RGPD1: variants seen among roughly 807,000 people sequenced by gnomAD.
RGPD1 encodes the protein RANBP2-like and GRIP domain-containing protein 1.
In RGPD1, 7 loss-of-function variants were observed where a neutral mutation model predicts 40.6. The ratio of observed to expected loss-of-function variants is 0.17; its 90% confidence interval spans 0.10 to 0.32. The LOEUF is 0.32. RGPD1 is among the 10% of genes least tolerant of loss of function. The pLI is 1.00. For missense variants in RGPD1, 50 were observed against 472.5 expected, an observed-to-expected ratio of 0.11 and a Z score of 8.29; for synonymous variants, 24 against 167.0, an observed-to-expected ratio of 0.14 and a Z score of 6.60.
intron 1 of RGPD1, among the ~76,000 whole-genome samples, chr2:86,923,547 C>CT (rs1270826649): frequency 2.0e-5 from 3 of 150,772 alleles, no homozygotes; most frequent in African/African-American, 4.9e-5. Context: ...GGAGTCTCGC[C>CT]TTATCGCCTA....
chr2:87,009,099 A>T (rs1682158466), intron 22 of RGPD1, among the ~76,000 whole-genome samples: 1 of 139,176 alleles, frequency 7.2e-6, no homozygotes. Flanking sequence ...AGGTCAGGAG[A>T]TCGAGACCAT....
intron 22 of RGPD1, among the ~76,000 whole-genome samples, chr2:87,007,630 C>G (rs1187196324): frequency 1.3e-5 from 2 of 152,238 alleles, no homozygotes; most frequent in African/African-American, 2.4e-5. Flanking sequence ...CCAGCCGTCT[C>G]AGATCAAAGT....
intron 22 of RGPD1, among the ~76,000 whole-genome samples, chr2:87,009,303 T>TA (rs1682172179): frequency 1.4e-3 from 3 of 2,072 alleles, no homozygotes; most frequent in African/African-American, 5.3e-3. Flanking sequence ...AGACTCTGTC[T>TA]CAAAAAAAAA....
chr2:86,938,616 A>G (rs1272213860), upstream of RGPD1, among the ~76,000 whole-genome samples: 1 of 151,680 alleles, frequency 6.6e-6, no homozygotes, highest in Non-Finnish European at 1.5e-5. Context: ...AAAAAAAAAT[A>G]AATAAATAAA....
At chr2:86,942,963 G>A (rs968069259) in intron 1 of RGPD1, among the ~76,000 whole-genome samples, 1 of 151,898 alleles carries the variant, frequency 6.6e-6, no homozygotes, top group Non-Finnish European at 1.5e-5. Flanking sequence ...CATAGTACCC[G>A]CGCGGCCTAG....
At chr2:86,930,671 G>C in intron 1 of RGPD1, 1 of 1,610,478 alleles carries the variant, frequency 6.2e-7, no homozygotes, top group Non-Finnish European at 8.5e-7. Flanking sequence ...TCACTCCTGG[G>C]CACAGCTCTC....
intron 1 of RGPD1, among the ~76,000 whole-genome samples, chr2:86,933,311 GAAA>G (rs1248249214): frequency 6.8e-6 from 1 of 147,220 alleles, no homozygotes; most frequent in Non-Finnish European, 1.5e-5. Context: ...TTGAGTCTCA[GAAA>G]AAAAAGGAAG....
chr2:86,942,088 T>A (rs1306906852), upstream of RGPD1: 4 of 1,123,614 alleles, frequency 3.6e-6, no homozygotes, highest in Non-Finnish European at 5.0e-6. Flanking sequence ...TCGCCAAGGA[T>A]ACACAGTGCT....
intron 1 of RGPD1, among the ~76,000 whole-genome samples, chr2:86,943,480 G>T (rs1573611219): frequency 6.6e-6 from 1 of 152,014 alleles, no homozygotes; most frequent in Non-Finnish European, 1.5e-5. Context: ...AAAGAGTGAC[G>T]GAAGAAGCTA....
In RGPD1 at chr2:86,933,430, TATG is replaced by T. The variant is rs945165917; in HGVS notation, c.73-17863_73-17861del. ...TATGACAACTGAATGCAATTGAAAT[TATG>T]ATATAAAATTTCTATTCTGCTTTGT... On this transcript the variant is annotated intron_variant, in intron 1 of 22. Coordinates refer to the RGPD1 transcript ENST00000398193. Among the ~76,000 whole-genome samples, 46 of 150,052 alleles carry T rather than the reference TATG, an allele frequency of 3.1e-4. 2 individuals carry two copies. The highest frequency in any genetic ancestry group is 2.7e-3 in the Admixed American group (40 of 14,942).
At chr2:86,941,033 A>G (rs1310472840), upstream of RGPD1, among the ~76,000 whole-genome samples, 10 of 151,026 alleles carry the variant, frequency 6.6e-5, no homozygotes, top group Admixed American at 2.0e-4. Context: ...CTTGTTCATT[A>G]TATCAAAATT....
At chr2:86,937,181 A>C (rs1186383561), upstream of RGPD1, among the ~76,000 whole-genome samples, 1 of 98,854 alleles carries the variant, frequency 1.0e-5, no homozygotes, top group Non-Finnish European at 1.9e-5. Flanking sequence ...CCATCAGTGA[A>C]ATAACAGCTA....
At chr2:86,923,315 C>T (rs1272805164) in intron 1 of RGPD1, among the ~76,000 whole-genome samples, 1 of 151,742 alleles carries the variant, frequency 6.6e-6, no homozygotes, top group Non-Finnish European at 1.5e-5. Flanking sequence ...GCTGGGATTA[C>T]AGGCATGAGC....
intron 1 of RGPD1, among the ~76,000 whole-genome samples, chr2:86,935,826 A>G (rs1679309014): frequency 7.2e-6 from 1 of 139,710 alleles, no homozygotes; most frequent in Non-Finnish European, 1.6e-5. Context: ...AAAGTATAAT[A>G]TATTTTAGGA....
chr2:86,914,535 G>A (rs867222245), intron 1 of RGPD1, among the ~76,000 whole-genome samples: 4 of 31,156 alleles, frequency 1.3e-4, no homozygotes, highest in Non-Finnish European at 2.6e-4. Flanking sequence ...GGCGGCCTCG[G>A]CCTGGCCGGG....
intron 1 of RGPD1, chr2:86,913,934 C>G (rs1262074750): frequency 6.8e-7 from 1 of 1,466,220 alleles, no homozygotes; most frequent in African/African-American, 1.5e-5. Flanking sequence ...GAGTGGATCT[C>G]GAAGAGACCG....
chr2:86,988,441 C>CAAAAAAAAAA (rs1174110236), intron 20 of RGPD1, among the ~76,000 whole-genome samples: 1 of 33,236 alleles, frequency 3.0e-5, no homozygotes, highest in East Asian at 1.3e-3. Context: ...ACTTTGTCTC[C>CAAAAAAAAAA]AAAAAAAAAA....
rs1192443152 is a variant in RGPD1, at chr2:86,942,362, G to A, written c.72+54G>A. On this transcript the variant is annotated intron_variant, in intron 1 of 22. Transcript: ENST00000641458. ...CTCGACCTGGCCGGGCGGCGGCCTC[G>A]ACCTGGCCGGGCGGCGGCCTCGACC... is the stretch of plus-strand genomic sequence containing the variant. 62 of 1,364,460 alleles carry A rather than the reference G, an allele frequency of 4.5e-5. 1 individual carries two copies. The highest frequency in any genetic ancestry group is 2.7e-4 in the Middle Eastern group (1 of 3,724). The allele number at this position is 1,364,460 out of a possible 1,614,324, so 84.5% of individuals were successfully genotyped here.
intron 1 of RGPD1, among the ~76,000 whole-genome samples, chr2:86,944,326 T>C (rs1680169059): frequency 6.6e-6 from 1 of 152,100 alleles, no homozygotes; most frequent in South Asian, 2.1e-4. Context: ...ATAGTATAAA[T>C]ATGAATGTGA....
Sources: gnomAD v4.1 joint callset for allele counts (sites outside exome capture counted in the v4.1 genomes callset) on GRCh38, gnomAD v4.1.1 for gene constraint, MANE v1.5 for transcripts, NCBI Gene and HGNC (gene_info 2026-07-23, HGNC 2026-07-21) for gene names.